ADAM17: variants seen among roughly 807,000 people sequenced by gnomAD.
ADAM17 encodes disintegrin and metalloproteinase domain-containing protein 17.
A neutral mutation model predicts 96.7 loss-of-function variants in ADAM17; 39 were observed. That is an observed-to-expected ratio of 0.40 (90% CI 0.31 to 0.53). The LOEUF (loss-of-function observed/expected upper bound fraction) is 0.53. ADAM17 is among the 20% of genes least tolerant of loss of function. ADAM17 has a pLI of 0.44. For synonymous variants in ADAM17, 344 were observed against 359.2 expected (o/e 0.96, Z 0.48); for missense variants, 777 against 1,013.2 (o/e 0.77, Z 3.17).
At chr2:9,497,323 T>C in intron 13 of ADAM17, 75 bp from the exon 14 acceptor site, 1 of 1,573,784 alleles carries the variant, frequency 6.4e-7, no homozygotes, top group South Asian at 1.2e-5. Context: ...TAATACGCTG[T>C]TTCTCATACA....
At chr2:9,491,203 G>A (rs1287223077) in intron 17 of ADAM17, 52 bp from the exon 18 acceptor site, 12 of 1,535,806 alleles carry the variant, frequency 7.8e-6, no homozygotes, top group Admixed American at 1.7e-5. Context: ...TTCAGTTAGT[G>A]AGTACTATTT....
At chr2:9,515,068 G>C (rs1451856633) in intron 10 of ADAM17, among the ~76,000 whole-genome samples, 8 of 152,078 alleles carry the variant, frequency 5.3e-5, no homozygotes. Flanking sequence ...TCCACTCTTT[G>C]TGCTGTATAT....
intron 11 of ADAM17, 179 bp from the exon 12 acceptor site, chr2:9,505,544 C>G: frequency 1.6e-6 from 1 of 621,990 alleles, no homozygotes; most frequent in Non-Finnish European, 2.8e-6. Flanking sequence ...AACTGGGAAC[C>G]TCCCTCCATA....
rs1430253235 is a variant in ADAM17, at chr2:9,490,314, C to T, written c.2338G>A (p.Asp780Asn). 6.2e-7 allele frequency: 1 copy of T among 1,614,132 alleles called. No homozygotes were observed. Among genetic ancestry groups the T allele is most frequent in the Non-Finnish European group, 8.5e-7 (1 of 1,180,028 alleles). The change falls in exon 19 of 19, where the codon GAC becomes AAC. Residue 780 changes from aspartate to asparagine, a missense_variant. Coordinates refer to ENST00000310823, the MANE Select transcript of ADAM17 (RefSeq NM_003183.6). ...SHMDEDGFEK[D>N]PFPNSSTAAK... The stretch of plus-strand genomic sequence containing the variant: ...GCTGTGCTGCTATTTGGGAAGGGGT[C>T]CTTCTCAAACCCATCCTCGTCCATA...
intron 7 of ADAM17, among the ~76,000 whole-genome samples, chr2:9,522,630 TAG>T (rs1163410154): frequency 2.0e-5 from 3 of 152,100 alleles, no homozygotes; most frequent in Non-Finnish European, 4.4e-5. Flanking sequence ...TGGAAAAAAA[TAG>T]AGATAACAAT....
At chr2:9,494,797 G>T (rs1437630073) in intron 14 of ADAM17, 30 bp from the exon 15 acceptor site, 1 of 1,612,070 alleles carries the variant, frequency 6.2e-7, no homozygotes, top group East Asian at 2.2e-5. Context: ...TTGACAGCTG[G>T]ATTGTTCTGA....
At chr2:9,497,320 CTGTTTCTCA>C (rs1662690359) in intron 13 of ADAM17, 72 bp from the exon 14 acceptor site, 3 of 1,578,674 alleles carry the variant, frequency 1.9e-6, no homozygotes, top group Non-Finnish European at 2.6e-6. Flanking sequence ...GCATAATACG[CTGTTTCTCA>C]TACAAGTGAG....
intron 17 of ADAM17, among the ~76,000 whole-genome samples, chr2:9,492,595 G>A (rs1662249038): frequency 6.6e-6 from 1 of 152,138 alleles, no homozygotes; most frequent in South Asian, 2.1e-4. Context: ...TCTTCAATAA[G>A]GGCTTTACTC....
intron 1 of ADAM17, among the ~76,000 whole-genome samples, chr2:9,552,020 C>T (rs1665604662): frequency 6.6e-6 from 1 of 152,140 alleles, no homozygotes; most frequent in Non-Finnish European, 1.5e-5. Flanking sequence ...TGCTGTCATG[C>T]CAGCATTCAA....
chr2:9,495,930 G>A (rs1341053253), intron 14 of ADAM17, among the ~76,000 whole-genome samples: 2 of 148,606 alleles, frequency 1.3e-5, no homozygotes, highest in Non-Finnish European at 3.0e-5. Flanking sequence ...CAACTCCTGA[G>A]CTCAAGTGAT....
chr2:9,521,117 C>T (rs1416200712), intron 8 of ADAM17, 86 bp downstream of exon 8: 3 of 1,104,182 alleles, frequency 2.7e-6, no homozygotes, highest in African/African-American at 3.1e-5. Context: ...TCTTTTCTAA[C>T]ATGCTCCTTC....
chr2:9,508,425 T>C (rs1384068113), intron 11 of ADAM17, among the ~76,000 whole-genome samples: 2 of 152,196 alleles, frequency 1.3e-5, no homozygotes, highest in African/African-American at 4.8e-5. Flanking sequence ...TTAACAACTT[T>C]ATTAAGACAT....
chr2:9,520,352 G>A (rs146552827), intron 8 of ADAM17, among the ~76,000 whole-genome samples: 9 of 152,212 alleles, frequency 5.9e-5, no homozygotes, highest in African/African-American at 1.7e-4. Flanking sequence ...CCTGTTATAC[G>A]GCAAGACTCC....
intron 10 of ADAM17, among the ~76,000 whole-genome samples, chr2:9,513,263 G>A (rs536639508): frequency 2.0e-5 from 3 of 152,228 alleles, no homozygotes; most frequent in South Asian, 4.2e-4. Context: ...CAAAGTGCTG[G>A]GATTACAGGC....
intron 10 of ADAM17, 46 bp from the exon 11 acceptor site, chr2:9,510,177 T>G (rs889283658): frequency 6.2e-7 from 1 of 1,605,730 alleles, no homozygotes. Flanking sequence ...TATCCAGCCA[T>G]CACCTACTTC....
At chr2:9,529,848 G>A (rs552269194) in intron 4 of ADAM17, among the ~76,000 whole-genome samples, 12 of 152,012 alleles carry the variant, frequency 7.9e-5, no homozygotes, top group African/African-American at 2.2e-4. Flanking sequence ...GTGGGCGCCT[G>A]TAATCCCAGC....
chr2:9,508,975 A>G (rs1288913887), intron 11 of ADAM17, among the ~76,000 whole-genome samples: 3 of 130,456 alleles, frequency 2.3e-5, no homozygotes. Flanking sequence ...AGATGCAGAA[A>G]ATATACATAA....
intron 4 of ADAM17, among the ~76,000 whole-genome samples, chr2:9,532,037 G>A (rs1334500354): frequency 6.6e-6 from 1 of 152,196 alleles, no homozygotes; most frequent in Non-Finnish European, 1.5e-5. Flanking sequence ...TTTGAGCCCA[G>A]GAGGTCAAGG....
chr2:9,502,382 C>A, intron 12 of ADAM17, 106 bp from the exon 13 acceptor site: 1 of 945,356 alleles, frequency 1.1e-6, no homozygotes, highest in South Asian at 1.5e-5. Flanking sequence ...CGGGGAAGAC[C>A]TCCTGGCTCC....
Sources: allele counts gnomAD v4.1 joint callset (sites outside exome capture counted in the v4.1 genomes callset), GRCh38; gene constraint gnomAD v4.1.1; transcripts MANE v1.5; gene names NCBI Gene and HGNC (gene_info 2026-07-23, HGNC 2026-07-21).